Variants in CRISP2 observed in about 807,000 individuals in gnomAD.
CRISP2 encodes cysteine rich secretory protein 2.
A neutral mutation model predicts 31.7 loss-of-function variants in CRISP2; 29 were observed. The observed-to-expected ratio is 0.92, with a 90% CI of 0.68 to 1.25. The LOEUF (loss-of-function observed/expected upper bound fraction) is 1.25. Ranked by LOEUF, CRISP2 falls within the 50% of genes most tolerant of loss-of-function variation. CRISP2 has a pLI of 0.00. For missense variants in CRISP2, 318 were observed against 286.5 expected (o/e 1.11, Z -0.79); for synonymous variants, 111 against 101.4 (o/e 1.09, Z -0.57).
chr6:49,685,190 A>G, the CRISP2 span, among the ~76,000 whole-genome samples: 13 of 152,200 alleles, frequency 8.5e-5, no homozygotes, highest in Non-Finnish European at 1.6e-4. Context: ...GCAGCATGAA[A>G]TGGTGTTTTC....
chr6:49,700,599 G>T, intron 5 of CRISP2, 69 bp downstream of exon 5: 1 of 875,992 alleles, frequency 1.1e-6, no homozygotes, highest in Non-Finnish European at 1.9e-6. Context: ...CTTAAGAGAT[G>T]CCAGTGGCCA....
chr6:49,676,809 G>C, the CRISP2 span, among the ~76,000 whole-genome samples: 3 of 152,102 alleles, frequency 2.0e-5, no homozygotes. Context: ...CAGGGTAAGG[G>C]GGATGTAATC....
the CRISP2 span, among the ~76,000 whole-genome samples, chr6:49,678,462 A>G: frequency 0.032 from 4,916 of 152,136 alleles, 287 homozygotes; most frequent in African/African-American, 0.11. Flanking sequence ...ATCTTATTAC[A>G]CTTTCCCAGA....
At position 49,704,787 on chromosome 6, in the gene CRISP2, G is replaced by A. The variant is rs566832838; in HGVS notation, c.67-4003C>T. 1.1e-4 allele frequency among the ~76,000 whole-genome samples: 16 copies of A among 152,294 alleles called. No individual in the cohort carries two copies. In the East Asian group the frequency reaches 2.5e-3, roughly 24 times the overall value. On this transcript the variant is annotated intron_variant, in intron 4 of 9. Transcript: ENST00000339139. Reference sequence around the variant, plus strand: ...GTGGACTCTGTGAGAGTCCTTGGCTGTAGTTTTGTTTAGTGCACTGGTTTT... The same window carrying A: ...GTGGACTCTGTGAGAGTCCTTGGCTATAGTTTTGTTTAGTGCACTGGTTTT...
chr6:49,711,689 AGTTCAGCT>A lies in CRISP2; in HGVS notation c.-46-376_-46-369del. Among the ~76,000 whole-genome samples, 4 of 152,294 alleles carry A rather than the reference AGTTCAGCT, an allele frequency of 2.6e-5. No homozygotes were observed. The South Asian group carries it at 8.3e-4, about 32-fold the overall frequency. On this transcript the variant is annotated intron_variant, in intron 2 of 9. Coordinates refer to ENST00000339139, the MANE Select transcript of CRISP2 (RefSeq NM_003296.4). Reference sequence around the variant, plus strand: ...TTCTGCCTTATAGCTGAACTCTCATAGTTCAGCTGTCTATGATTTTTACTTTCTAATTA... The same window carrying A: ...TTCTGCCTTATAGCTGAACTCTCATAGTCTATGATTTTTACTTTCTAATTA...
chr6:49,700,065 G>A (rs566259460), intron 5 of CRISP2, among the ~76,000 whole-genome samples, 174 bp from the exon 6 acceptor site: 12 of 152,004 alleles, frequency 7.9e-5, no homozygotes, highest in Non-Finnish European at 1.6e-4. Flanking sequence ...TACACATGAT[G>A]GGTAGTCCAT....
At chr6:49,687,073 G>GGA in the CRISP2 span, among the ~76,000 whole-genome samples, 1 of 151,718 alleles carries the variant, frequency 6.6e-6, no homozygotes, top group African/African-American at 2.4e-5. Context: ...GAGAGGGGAG[G>GGA]GAGAGTGTTA....
chr6:49,706,759 TCTCTCA>T (rs1767104223), intron 4 of CRISP2, among the ~76,000 whole-genome samples: 1 of 152,156 alleles, frequency 6.6e-6, no homozygotes, highest in Admixed American at 6.5e-5. Context: ...TTCATTTAAG[TCTCTCA>T]AAATACTTAC....
At chr6:49,691,059 T>C (rs1173234028), downstream of CRISP2, among the ~76,000 whole-genome samples, 2 of 152,030 alleles carry the variant, frequency 1.3e-5, no homozygotes, top group Non-Finnish European at 2.9e-5. Flanking sequence ...GGTTATTTTT[T>C]AGTCACTTCT....
chr6:49,682,608 TTTCTTTC>T, the CRISP2 span, among the ~76,000 whole-genome samples: 1 of 66,624 alleles, frequency 1.5e-5, no homozygotes, highest in Non-Finnish European at 2.5e-5. Flanking sequence ...TCTTTCTTTC[TTTCTTTC>T]TTTCTTTCTT....
chr6:49,713,195 T>C (rs1250405085), intron 1 of CRISP2, among the ~76,000 whole-genome samples: 1 of 152,182 alleles, frequency 6.6e-6, no homozygotes. Context: ...TCTACTATGA[T>C]TCAATGGGTC....
chr6:49,707,434 A>G (rs1767257343), intron 4 of CRISP2, among the ~76,000 whole-genome samples: 1 of 152,158 alleles, frequency 6.6e-6, no homozygotes, highest in Admixed American at 6.5e-5. Flanking sequence ...GTGTTTATAG[A>G]GCATCTGATT....
chr6:49,708,911 T>G (rs1415267276), intron 4 of CRISP2, among the ~76,000 whole-genome samples: 1 of 152,202 alleles, frequency 6.6e-6, no homozygotes, highest in Non-Finnish European at 1.5e-5. Flanking sequence ...TTTCAAGTGT[T>G]CAGTAGTCAC....
chr6:49,691,990 C>T (rs187233), downstream of CRISP2, among the ~76,000 whole-genome samples: 89,413 of 151,856 alleles, frequency 0.59, 26,889 homozygotes, highest in East Asian at 0.8. Context: ...TTTACCCTGT[C>T]GTTACCAACC....
At chr6:49,677,550 C>T in the CRISP2 span, among the ~76,000 whole-genome samples, 1 of 152,154 alleles carries the variant, frequency 6.6e-6, no homozygotes, top group African/African-American at 2.4e-5. Flanking sequence ...CATACACTTA[C>T]AGCAGGAAAT....
At chr6:49,691,548 T>C (rs1257800160), downstream of CRISP2, among the ~76,000 whole-genome samples, 15 of 152,024 alleles carry the variant, frequency 9.9e-5, 1 homozygote, top group Admixed American at 9.8e-4. Context: ...TAAATGTTTG[T>C]TTAAAATTTT....
intron 2 of CRISP2, among the ~76,000 whole-genome samples, chr6:49,711,729 A>C (rs374690674): frequency 6.6e-6 from 1 of 152,152 alleles, no homozygotes; most frequent in Admixed American, 6.6e-5. Flanking sequence ...ATTATCAACT[A>C]CCTGTAGCTT....
chr6:49,703,939 C>T (rs540033081), intron 4 of CRISP2, among the ~76,000 whole-genome samples: 107 of 152,248 alleles, frequency 7.0e-4, no homozygotes, highest in African/African-American at 2.4e-3. Flanking sequence ...ATTATTCCCT[C>T]AAATAAGTTT....
downstream of CRISP2, among the ~76,000 whole-genome samples, chr6:49,691,580 G>T (rs532212764): frequency 2.0e-5 from 3 of 151,796 alleles, no homozygotes; most frequent in African/African-American, 7.3e-5. Flanking sequence ...TCATGATAGC[G>T]ATAGATCTCT....
Sources: gnomAD v4.1 joint callset for allele counts (sites outside exome capture counted in the v4.1 genomes callset) on GRCh38, gnomAD v4.1.1 for gene constraint, MANE v1.5 for transcripts, NCBI Gene and HGNC (gene_info 2026-07-23, HGNC 2026-07-21) for gene names.